GARS1: variants seen among roughly 807,000 people sequenced by gnomAD.
The protein encoded by GARS1 is glycine--tRNA ligase.
GARS1 carries 46 observed loss-of-function variants against 86.4 expected under a neutral mutation model. The ratio of observed to expected loss-of-function variants is 0.53; its 90% confidence interval spans 0.42 to 0.68. The LOEUF (loss-of-function observed/expected upper bound fraction) is 0.68. GARS1 is among the 30% of genes least tolerant of loss of function. The pLI is 0.00. For synonymous variants in GARS1, 342 were observed against 329.8 expected, an observed-to-expected ratio of 1.04 and a Z score of -0.40; for missense variants, 797 against 915.6, an observed-to-expected ratio of 0.87 and a Z score of 1.67.
At chr7:30,610,574 G>T (rs1391691880) in intron 7 of GARS1, among the ~76,000 whole-genome samples, 1 of 152,186 alleles carries the variant, frequency 6.6e-6, no homozygotes, top group Non-Finnish European at 1.5e-5. Flanking sequence ...GAGACATCAG[G>T]TTGATTTGGA....
intron 4 of GARS1, 110 bp downstream of exon 4, chr7:30,601,310 C>T: frequency 1.0e-6 from 1 of 994,038 alleles, no homozygotes. Flanking sequence ...CTACTCATTT[C>T]ATGTAGAAAA....
intron 8 of GARS1, among the ~76,000 whole-genome samples, chr7:30,614,948 C>T (rs1291503841): frequency 6.6e-6 from 1 of 151,688 alleles, no homozygotes; most frequent in Non-Finnish European, 1.5e-5. Flanking sequence ...AGCAATTTTA[C>T]ATTACTCGTA....
intron 13 of GARS1, chr7:30,627,287 G>T: frequency 4.4e-6 from 1 of 227,690 alleles, no homozygotes; most frequent in South Asian, 4.8e-5. Flanking sequence ...CACACTCTGG[G>T]GCTTTTCCGT....
At chr7:30,631,406 C>T (rs1302575136) in intron 14 of GARS1, 42 bp from the exon 15 acceptor site, 1 of 1,470,176 alleles carries the variant, frequency 6.8e-7, no homozygotes, top group Admixed American at 1.7e-5. Flanking sequence ...TAGATATTTA[C>T]AAATTAACAT....
At chr7:30,603,846 A>G (rs529516375) in intron 6 of GARS1, among the ~76,000 whole-genome samples, 1 of 152,326 alleles carries the variant, frequency 6.6e-6, no homozygotes, top group Non-Finnish European at 1.5e-5. Flanking sequence ...TTTAATAGCT[A>G]AAACCACAGG....
chr7:30,629,554 A>C (rs1215794086), intron 14 of GARS1, among the ~76,000 whole-genome samples: 1 of 152,240 alleles, frequency 6.6e-6, no homozygotes, highest in Non-Finnish European at 1.5e-5. Flanking sequence ...GGCCATTCTA[A>C]AGCTTGAGTG....
rs1986756 is a variant in GARS1, at chr7:30,612,322, G to A, written c.1031+77G>A. ...GAAAATGAAAGCTTGCTGTTTTGAA[G>A]CAATTCTGCTTCATAATCCTGATTA... On this transcript the variant is annotated intron_variant, in intron 8 of 16. Coordinates refer to ENST00000389266, the MANE Select transcript of GARS1 (RefSeq NM_002047.4). The A allele has an allele frequency of 0.77, 1,040,643 of 1,357,060 alleles. 400,842 individuals are homozygous for A. The highest frequency in any genetic ancestry group is 0.85 in the African/African-American group (59,396 of 69,806). The allele number at this position is 1,357,060 out of a possible 1,614,324, so 84.1% of individuals were successfully genotyped here. A position where few individuals can be genotyped will look rare whatever the true frequency, so the allele number is the denominator to read the frequency against.
chr7:30,630,554 C>T (rs1783215691), intron 14 of GARS1, among the ~76,000 whole-genome samples: 1 of 138,506 alleles, frequency 7.2e-6, no homozygotes, highest in African/African-American at 2.7e-5. Flanking sequence ...CTTTGTTGCT[C>T]AGCTGGAGTG....
Position 30,595,044 on chromosome 7 carries a change from C to A in GARS1, c.123C>A (p.Cys41Ter), listed in dbSNP as rs988893052. The change falls in exon 1 of 17, where the codon TGC becomes TGA. Residue 41 changes from cysteine (C) to a stop codon, truncating the protein, a stop_gained. Transcript: ENST00000389266. LOFTEE classifies it high-confidence loss of function. ...LLRRSLSAAS[C>*]PPISLPAAAS... Reference sequence around the variant, plus strand: ...GCCGGTCCCTCAGCGCGGCCTCCTGCCCCCCGATCTCCTTGCCCGCCGCCG... The same window carrying A: ...GCCGGTCCCTCAGCGCGGCCTCCTGACCCCCGATCTCCTTGCCCGCCGCCG... 11 of 1,564,814 alleles carry A rather than the reference C, an allele frequency of 7.0e-6. No homozygotes were observed. In the Admixed American group the frequency reaches 1.6e-4, roughly 23 times the overall value.
rs1490158419 is a variant in GARS1 at position 30,632,474 on chromosome 7, A to G, written c.2094+37A>G. 6.3e-7 allele frequency: 1 copy of G among 1,590,412 alleles called. No individual in the cohort carries two copies. The highest frequency in any genetic ancestry group is 1.3e-5 in the African/African-American group (1 of 74,446). On this transcript the variant is annotated intron_variant, in intron 16 of 16. Coordinates refer to ENST00000389266, the MANE Select transcript of GARS1 (RefSeq NM_002047.4). The surrounding 1 kb of genome is among the most constrained non-coding windows in gnomAD (Gnocchi z 4.1). ...TCTCTTTGGCATTTTTAGCCTTAGA[A>G]ATGTGTACTGCTTCTTACTGATTTG...
At chr7:30,595,804 C>G in intron 1 of GARS1, 2 of 471,140 alleles carry the variant, frequency 4.2e-6, no homozygotes, top group Non-Finnish European at 8.8e-6. Flanking sequence ...CTCTTGTCAT[C>G]TTTTCTGGCT....
chr7:30,601,050 A>G lies in GARS1; in HGVS notation c.428-9A>G, dbSNP rs1232861718. On this transcript the variant is annotated splice_polypyrimidine_tract_variant and intron_variant, in intron 3 of 16. Coordinates refer to ENST00000389266, the MANE Select transcript of GARS1 (RefSeq NM_002047.4). ...GGTAAAGTATGTGTTTTCCTCTCATATTCTATAGGTGTTAGTGGTCTGTAT... is the reference window on the plus strand; with the variant it reads ...GGTAAAGTATGTGTTTTCCTCTCATGTTCTATAGGTGTTAGTGGTCTGTAT... 6 of 1,613,430 alleles carry G rather than the reference A, an allele frequency of 3.7e-6. No individual in the cohort carries two copies. Among genetic ancestry groups the G allele is most frequent in the Non-Finnish European group, 2.5e-6 (3 of 1,179,592 alleles).
chr7:30,606,428 C>T (rs1791487429), intron 6 of GARS1, among the ~76,000 whole-genome samples: 2 of 151,856 alleles, frequency 1.3e-5, no homozygotes, highest in South Asian at 4.1e-4. Context: ...CATTCTCCCA[C>T]CCCTTGTCTT....
chr7:30,623,055 C>T (rs1219839607), intron 12 of GARS1, among the ~76,000 whole-genome samples: 1 of 147,748 alleles, frequency 6.8e-6, no homozygotes, highest in African/African-American at 2.5e-5. Flanking sequence ...GAGCCACCAT[C>T]GTGCCACTGC....
rs1326074084 is a variant in GARS1 at position 30,595,050 on chromosome 7, G to T, written c.129G>T (p.Pro43=). 9 of 1,557,398 alleles carry T rather than the reference G, an allele frequency of 5.8e-6. No homozygotes were observed. Among genetic ancestry groups the T allele is most frequent in the Non-Finnish European group, 7.8e-6 (9 of 1,158,012 alleles). ...RRSLSAASCP[P]ISLPAAASRS... ...CCCTCAGCGCGGCCTCCTGCCCCCC[G>T]ATCTCCTTGCCCGCCGCCGCCTCCC... The change falls in exon 1 of 17, where the codon CCG becomes CCT. Residue 43 remains proline (P), a synonymous_variant. Transcript: ENST00000389266.
chr7:30,600,928 G>A, intron 3 of GARS1, 131 bp from the exon 4 acceptor site: 2 of 814,008 alleles, frequency 2.5e-6, no homozygotes, highest in Non-Finnish European at 4.2e-6. Flanking sequence ...AGGTTCTTCA[G>A]TATTGAGGGA....
intron 1 of GARS1, among the ~76,000 whole-genome samples, chr7:30,598,411 C>T (rs1048330937): frequency 3.4e-5 from 4 of 116,676 alleles, no homozygotes; most frequent in African/African-American, 1.0e-4. Context: ...CATTTTGAGA[C>T]GGAGTCTCAC....
intron 6 of GARS1, among the ~76,000 whole-genome samples, chr7:30,605,310 C>G (rs1395944404): frequency 1.3e-5 from 2 of 152,196 alleles, no homozygotes; most frequent in Non-Finnish European, 2.9e-5. Flanking sequence ...TCTTTTGTTT[C>G]TCTTCTCTGT....
At position 30,632,211 on chromosome 7, in the gene GARS1, GTTTTAT is replaced by G; in HGVS notation, c.1904-30_1904-25del. On this transcript the variant is annotated intron_variant, in intron 15 of 16. Coordinates refer to ENST00000389266, the MANE Select transcript of GARS1 (RefSeq NM_002047.4). The surrounding 1 kb of genome is among the most constrained non-coding windows in gnomAD (Gnocchi z 4.1). ...AGATAACACTGGGCTTAACTCCATT[GTTTTAT>G]TTTTAATTTACTTTGTTTATTTTGG... The G allele has an allele frequency of 6.2e-7, 1 of 1,605,874 alleles. No homozygotes were observed.
Sources: gnomAD v4.1 joint callset for allele counts (sites outside exome capture counted in the v4.1 genomes callset) on GRCh38, gnomAD v4.1.1 for gene constraint, Gnocchi (gnomAD v3.1) non-coding constraint, MANE v1.5 for transcripts, NCBI Gene and HGNC (gene_info 2026-07-23, HGNC 2026-07-21) for gene names.